OTOP2: variants seen among roughly 807,000 people sequenced by gnomAD.
The protein encoded by OTOP2 is proton channel OTOP2.
OTOP2 carries 41 observed loss-of-function variants against 47.4 expected under a neutral mutation model. That is an observed-to-expected ratio of 0.87 (90% CI 0.67 to 1.12). The LOEUF is 1.12. OTOP2 is among the 50% of genes most tolerant of loss of function. The probability of loss-of-function intolerance (pLI) is 0.00; values close to 1 mark genes in which losing one functional copy is unlikely to be tolerated. For synonymous variants in OTOP2, 328 were observed against 319.6 expected (o/e 1.03, Z -0.28); for missense variants, 721 against 752.2 (o/e 0.96, Z 0.49).
rs376142747 is a variant in OTOP2, at chr17:74,930,538, G to A, written c.903G>A (p.Val301=). 12 of 1,612,932 alleles carry A rather than the reference G, an allele frequency of 7.4e-6. No homozygotes were observed. The highest frequency in any genetic ancestry group is 3.3e-5 in the Admixed American group (2 of 60,010). Residue 301 remains valine (V), a synonymous_variant, in exon 6 of 7, where the codon GTG becomes GTA. Coordinates refer to ENST00000331427, the MANE Select transcript of OTOP2 (RefSeq NM_178160.3). The surrounding 1 kb of genome is among the most constrained non-coding windows in gnomAD (Gnocchi z 4.0). ...CGGTTCTGGGCCTGCTGCTCTTCGT[G>A]GTGGGGCTGGCTGTCTTCATCATCT... is the stretch of plus-strand genomic sequence containing the variant. ...AGPVLGLLLF[V]VGLAVFIIYE... is the part of the protein sequence containing the mutation.
chr17:74,930,619 C>T lies in OTOP2; in HGVS notation c.984C>T (p.Tyr328=). The T allele has an allele frequency of 1.2e-6, 2 of 1,614,058 alleles. No individual in the cohort carries two copies. Among genetic ancestry groups the T allele is most frequent in the African/African-American group, 1.3e-5 (1 of 75,038 alleles). Residue 328 remains tyrosine, a synonymous_variant, in exon 6 of 7, where the codon TAC becomes TAT. Coordinates refer to ENST00000331427, the MANE Select transcript of OTOP2 (RefSeq NM_178160.3). This position sits in a 1 kb window ranked among gnomAD's most constrained non-coding sequence, Gnocchi z 4.0. ...GCACCAGGCAGGCCCTGGTCATCTA[C>T]TACAGCTTCAACATTGTCTGCTTGG... ...GSRTRQALVI[Y]YSFNIVCLGL...
In OTOP2 at chr17:74,930,348, A is replaced by C. The variant is rs1567945251; in HGVS notation, c.713A>C (p.Gln238Pro). The C allele has an allele frequency of 6.2e-7, 1 of 1,614,168 alleles. No homozygotes were observed. Among genetic ancestry groups the C allele is most frequent in the Admixed American group, 1.7e-5 (1 of 60,034 alleles). ...CSTAVCQIFQ[Q>P]GYFYLYPFNI... ...ACGGCCGTCTGCCAGATCTTCCAGC[A>C]GGGGTACTTCTACCTATATCCCTTC... The change falls in exon 6 of 7, where the codon CAG (glutamine) becomes CCG (proline). Residue 238 changes from glutamine (Q) to proline (P), a missense_variant. By Grantham distance (76) the Gln-to-Pro change is moderately conservative. Coordinates refer to ENST00000331427, the MANE Select transcript of OTOP2 (RefSeq NM_178160.3). The surrounding 1 kb of genome is among the most constrained non-coding windows in gnomAD (Gnocchi z 4.0).
intron 6 of OTOP2, 23 bp downstream of exon 6, chr17:74,931,176 G>A (rs971182473): frequency 1.9e-6 from 3 of 1,557,780 alleles, no homozygotes. Flanking sequence ...GGGGAGAAAG[G>A]GTGGGCTTGG....
rs1301666212 is a variant in OTOP2, at chr17:74,930,227, C to T, written c.644-52C>T. The T allele has an allele frequency of 6.4e-7, 1 of 1,556,380 alleles. No individual in the cohort carries two copies. The highest frequency in any genetic ancestry group is 1.4e-5 in the African/African-American group (1 of 73,150). On this transcript the variant is annotated intron_variant, in intron 5 of 6. Coordinates refer to ENST00000331427, the MANE Select transcript of OTOP2 (RefSeq NM_178160.3). The surrounding 1 kb of genome is among the most constrained non-coding windows in gnomAD (Gnocchi z 4.0). ...AAAGGTCACAGGCTAGGGGTGAGAC[C>T]TCTCTAGGAAGGCAGGAGGGCTGTC...
rs1482375997 is a variant in OTOP2, at chr17:74,930,948, A to G, written c.1313A>G (p.His438Arg). 1 of 1,613,542 alleles carries G rather than the reference A, an allele frequency of 6.2e-7. No homozygotes were observed. Among genetic ancestry groups the G allele is most frequent in the African/African-American group, 1.3e-5 (1 of 74,810 alleles). Residue 438 changes from histidine (H) to arginine (R), a missense_variant, in exon 6 of 7, where the codon CAC becomes CGC. Transcript: ENST00000331427. The surrounding 1 kb of genome is among the most constrained non-coding windows in gnomAD (Gnocchi z 4.0). Reference protein sequence around the residue: ...GPPGAEPHSTHPKEPCQDLTF... With the variant: ...GPPGAEPHSTRPKEPCQDLTF... ...CCCGGGGCTGAGCCTCACAGTACCC[A>G]CCCCAAGGAGCCCTGCCAAGACCTC...
chr17:74,924,951 A>T lies in OTOP2; in HGVS notation c.313+6A>T, dbSNP rs2038992839. 1.9e-6 allele frequency: 3 copies of T among 1,549,394 alleles called. No homozygotes were observed. Among genetic ancestry groups the T allele is most frequent in the African/African-American group, 2.7e-5 (2 of 73,874 alleles). On this transcript the variant is annotated splice_donor_region_variant and intron_variant, in intron 2 of 6. Transcript: ENST00000331427. The surrounding 1 kb of genome is among the most constrained non-coding windows in gnomAD (Gnocchi z 7.7). ...TGGCCCCATCTGGCTCCGAGGTGCC[A>T]GGGGAGGTGGGGGCGAGGTAGGGTG... is the stretch of plus-strand genomic sequence containing the variant.
chr17:74,933,447 T>G lies in OTOP2; in HGVS notation c.1591T>G (p.Ser531Ala), dbSNP rs757607303. The change falls in exon 7 of 7, where the codon TCC becomes GCC. Residue 531 changes from serine (S) to alanine (A), a missense_variant. Ser to Ala is a moderately conservative substitution (Grantham distance 99). Coordinates refer to ENST00000331427, the MANE Select transcript of OTOP2 (RefSeq NM_178160.3). This position sits in a 1 kb window ranked among gnomAD's most constrained non-coding sequence, Gnocchi z 4.7. The part of the protein sequence containing the change: ...NTVEVDFYGY[S>A]LWAVIVNICL... ...AGTGGAGGTGGATTTCTACGGCTAC[T>G]CCCTCTGGGCGGTCATCGTCAACAT... 3 of 1,613,894 alleles carry G rather than the reference T, an allele frequency of 1.9e-6. No homozygotes were observed. Among genetic ancestry groups the G allele is most frequent in the Non-Finnish European group, 2.5e-6 (3 of 1,179,982 alleles).
At chr17:74,931,813 C>T (rs907166772) in intron 6 of OTOP2, among the ~76,000 whole-genome samples, 14 of 151,950 alleles carry the variant, frequency 9.2e-5, no homozygotes, top group Non-Finnish European at 1.6e-4. Flanking sequence ...ATTAGCCAGG[C>T]GTGGTAGTGT....
At position 74,933,653 on chromosome 17, in the gene OTOP2, C is replaced by T. The variant is rs1489945098; in HGVS notation, c.*108C>T. On this transcript the variant is annotated 3_prime_UTR_variant, in exon 7 of 7. Transcript: ENST00000331427. This position sits in a 1 kb window ranked among gnomAD's most constrained non-coding sequence, Gnocchi z 4.7. ...GCTGGTGCCATATGACAGCCCATTT[C>T]CTTCTGGTCCCAGAGTGGAATTTTC... is the stretch of plus-strand genomic sequence containing the variant. 2 of 1,263,774 alleles carry T rather than the reference C, an allele frequency of 1.6e-6. No homozygotes were observed. The highest frequency in any genetic ancestry group is 2.1e-6 in the Non-Finnish European group (2 of 939,164). 78.3% of individuals were successfully genotyped at this position (1,263,774 alleles called of 1,614,324 possible). A position where few individuals can be genotyped will look rare whatever the true frequency, so the allele number is the denominator to read the frequency against.
At chr17:74,926,010 G>C (rs1038652184) in intron 3 of OTOP2, among the ~76,000 whole-genome samples, 3 of 152,208 alleles carry the variant, frequency 2.0e-5, no homozygotes, top group Non-Finnish European at 1.5e-5. Context: ...TGCCCTTCTT[G>C]GGTGCCCGTA....
Position 74,924,789 on chromosome 17 carries a change from A to C in OTOP2, c.157A>C (p.Asn53His), listed in dbSNP as rs538005504. 190 of 1,611,766 alleles carry C rather than the reference A, an allele frequency of 1.2e-4. No homozygotes were observed. Among genetic ancestry groups the C allele is most frequent in the Admixed American group, 1.1e-3 (64 of 59,842 alleles). Residue 53 changes from asparagine (N) to histidine (H), a missense_variant, in exon 2 of 7, where the codon AAC becomes CAC. Coordinates refer to ENST00000331427, the MANE Select transcript of OTOP2 (RefSeq NM_178160.3). This position sits in a 1 kb window ranked among gnomAD's most constrained non-coding sequence, Gnocchi z 7.7. ...CACGCTCATCAGCGGCGGAGCCTTCAACAAGGTGGCCGTGTACGACACCGA... is the reference window on the plus strand; with the variant it reads ...CACGCTCATCAGCGGCGGAGCCTTCCACAAGGTGGCCGTGTACGACACCGA... ...ACTLISGGAF[N>H]KVAVYDTDVF...
At position 74,930,758 on chromosome 17, in the gene OTOP2, G is replaced by A. The variant is rs774664244; in HGVS notation, c.1123G>A (p.Ala375Thr). Residue 375 changes from alanine to threonine, a missense_variant, in exon 6 of 7, where the codon GCC becomes ACC. Ala to Thr is a moderately conservative substitution (Grantham distance 58, BLOSUM62 0). Coordinates refer to ENST00000331427, the MANE Select transcript of OTOP2 (RefSeq NM_178160.3). This position sits in a 1 kb window ranked among gnomAD's most constrained non-coding sequence, Gnocchi z 4.0. ...RTLDVALLMG[A>T]ALGQYAISYY... Reference sequence around the variant, plus strand: ...TCTGGACGTGGCCCTGCTGATGGGTGCCGCCCTGGGTCAGTACGCCATCTC... The same window carrying A: ...TCTGGACGTGGCCCTGCTGATGGGTACCGCCCTGGGTCAGTACGCCATCTC... 49 of 1,613,970 alleles carry A rather than the reference G, an allele frequency of 3.0e-5. No homozygotes were observed. Among genetic ancestry groups the A allele is most frequent in the Admixed American group, 2.5e-4 (15 of 59,994 alleles).
At chr17:74,932,315 A>AC (rs1049387600) in intron 6 of OTOP2, among the ~76,000 whole-genome samples, 6 of 152,128 alleles carry the variant, frequency 3.9e-5, no homozygotes, top group African/African-American at 1.2e-4. Flanking sequence ...AGTGAATTCT[A>AC]CCCCATGAAA....
chr17:74,927,419 C>A, intron 4 of OTOP2, 138 bp downstream of exon 4: 3 of 1,149,408 alleles, frequency 2.6e-6, no homozygotes, highest in South Asian at 2.6e-5. Flanking sequence ...CTTGCTTTGT[C>A]AGGCTGACTT....
In OTOP2 at chr17:74,931,242, C is replaced by G. The variant is rs935420479; in HGVS notation, c.1518+89C>G. The G allele has an allele frequency of 2.7e-6, 4 of 1,477,974 alleles. No homozygotes were observed. In the African/African-American group the frequency reaches 5.6e-5, roughly 21 times the overall value. The allele number at this position is 1,477,974 out of a possible 1,614,324, so 91.6% of individuals were successfully genotyped here. ...GGCTTAAGCCCTTAGCCTTCTCTGT[C>G]TTGCCCCCAGCCCGCCTGAGAATCT... On this transcript the variant is annotated intron_variant, in intron 6 of 6. Coordinates refer to ENST00000331427, the MANE Select transcript of OTOP2 (RefSeq NM_178160.3).
At chr17:74,927,820 G>A (rs1159715260) in intron 5 of OTOP2, 22 bp downstream of exon 5, 33 of 1,611,838 alleles carry the variant, frequency 2.0e-5, no homozygotes, top group Middle Eastern at 1.7e-4. Context: ...CTTAATGCTG[G>A]CCCTGTGGCT....
chr17:74,931,070 G>T lies in OTOP2; in HGVS notation c.1435G>T (p.Ala479Ser), dbSNP rs759140783. ...CCCTTCAGACCAGCGGGAAGCAGTG[G>T]CCATCGTCTCAACCCCCAGAAGCCA... is the stretch of plus-strand genomic sequence containing the variant. The part of the protein sequence containing the change: ...PSPSDQREAV[A>S]IVSTPRSQWR... Residue 479 changes from alanine (A) to serine (S), a missense_variant, in exon 6 of 7, where the codon GCC (alanine) becomes TCC (serine). Physicochemically the swap from Ala to Ser is moderately conservative, Grantham distance 99 (BLOSUM62 1). Coordinates refer to ENST00000331427, the MANE Select transcript of OTOP2 (RefSeq NM_178160.3). The T allele has an allele frequency of 6.2e-7, 1 of 1,614,098 alleles. No individual in the cohort carries two copies. Among genetic ancestry groups the T allele is most frequent in the South Asian group, 1.1e-5 (1 of 91,078 alleles).
chr17:74,930,370 C>G lies in OTOP2; in HGVS notation c.735C>G (p.Pro245=). The G allele has an allele frequency of 6.2e-7, 1 of 1,614,186 alleles. No homozygotes were observed. The highest frequency in any genetic ancestry group is 8.5e-7 in the Non-Finnish European group (1 of 1,180,042). The change falls in exon 6 of 7, where the codon CCC becomes CCG. Residue 245 remains proline, a synonymous_variant. Coordinates refer to ENST00000331427, the MANE Select transcript of OTOP2 (RefSeq NM_178160.3). The surrounding 1 kb of genome is among the most constrained non-coding windows in gnomAD (Gnocchi z 4.0). ...IFQQGYFYLY[P]FNIEYSLFAS... ...AGCAGGGGTACTTCTACCTATATCCCTTCAACATCGAGTACAGCCTCTTCG... is the reference window on the plus strand; with the variant it reads ...AGCAGGGGTACTTCTACCTATATCCGTTCAACATCGAGTACAGCCTCTTCG...
chr17:74,932,493 C>T (rs1011905087), intron 6 of OTOP2, among the ~76,000 whole-genome samples: 1 of 152,234 alleles, frequency 6.6e-6, no homozygotes, highest in African/African-American at 2.4e-5. Context: ...GGTCATCAAT[C>T]TCTGACCCTA....
Sources: allele counts gnomAD v4.1 joint callset (sites outside exome capture counted in the v4.1 genomes callset), GRCh38; gene constraint gnomAD v4.1.1; non-coding constraint Gnocchi (gnomAD v3.1); transcripts MANE v1.5; gene names NCBI Gene and HGNC (gene_info 2026-07-23, HGNC 2026-07-21).